Variants in BRINP3 observed in about 807,000 individuals in gnomAD.
BRINP3 encodes BMP/retinoic acid inducible neural specific 3.
In BRINP3, 19 loss-of-function variants were observed where a neutral mutation model predicts 71.0. The observed-to-expected ratio is 0.27, with a 90% CI of 0.19 to 0.39. BRINP3 has a LOEUF of 0.39. BRINP3 is among the 10% of genes least tolerant of loss of function. The pLI is 1.00. For missense variants in BRINP3, 959 were observed against 940.8 expected (o/e 1.02, Z -0.25); for synonymous variants, 380 against 337.7 (o/e 1.13, Z -1.37).
At chr1:190,211,145 T>A (rs929382743) in intron 6 of BRINP3, among the ~76,000 whole-genome samples, 5 of 152,036 alleles carry the variant, frequency 3.3e-5, no homozygotes, top group Non-Finnish European at 5.9e-5. Flanking sequence ...TTGTGGGACT[T>A]TACCTTGTGC....
intron 4 of BRINP3, among the ~76,000 whole-genome samples, chr1:190,249,247 C>T (rs1424421293): frequency 6.6e-6 from 1 of 151,780 alleles, no homozygotes; most frequent in Non-Finnish European, 1.5e-5. Context: ...GCCTATTCCC[C>T]AGCAGCCCTA....
chr1:190,269,837 G>A (rs765935274), intron 3 of BRINP3, among the ~76,000 whole-genome samples: 4 of 151,938 alleles, frequency 2.6e-5, no homozygotes, highest in African/African-American at 7.2e-5. Context: ...TACATACAGG[G>A]AACATTGGCA....
intron 7 of BRINP3, among the ~76,000 whole-genome samples, chr1:190,159,904 C>G (rs1657200168): frequency 6.6e-6 from 1 of 151,678 alleles, no homozygotes; most frequent in Non-Finnish European, 1.5e-5. Flanking sequence ...TTTTTTCCAG[C>G]AAAAGAAATC....
chr1:190,435,787 T>C (rs1177465257), intron 2 of BRINP3, among the ~76,000 whole-genome samples: 1 of 151,910 alleles, frequency 6.6e-6, no homozygotes, highest in Non-Finnish European at 1.5e-5. Flanking sequence ...AAACCTTACC[T>C]CCAGTACCAT....
At chr1:190,203,778 T>A (rs1217487006) in intron 6 of BRINP3, among the ~76,000 whole-genome samples, 11 of 88,882 alleles carry the variant, frequency 1.2e-4, no homozygotes, top group South Asian at 3.7e-4. Context: ...TATATATATA[T>A]ATATATATAT....
Position 190,462,015 on chromosome 1 carries a change from C to T in BRINP3, c.-50-7075G>A, listed in dbSNP as rs1028415299. 4.6e-5 allele frequency among the ~76,000 whole-genome samples: 7 copies of T among 152,196 alleles called. No homozygotes were observed. In the South Asian group the frequency reaches 6.2e-4, roughly 14 times the overall value. On this transcript the variant is annotated intron_variant, in intron 1 of 7. Transcript: ENST00000367462. ...TGCAACCTCCTCCTCCCAGTTCAGG[C>T]GATTCTCCTGCCTCAGCCTCCCAAG...
intron 2 of BRINP3, among the ~76,000 whole-genome samples, chr1:190,405,040 C>T (rs1321111196): frequency 1.3e-5 from 2 of 152,080 alleles, no homozygotes; most frequent in Non-Finnish European, 2.9e-5. Context: ...AGCGACTGTT[C>T]TTTAATTTAT....
chr1:190,365,334 A>G (rs1240854976), intron 2 of BRINP3, among the ~76,000 whole-genome samples: 1 of 151,924 alleles, frequency 6.6e-6, no homozygotes, highest in Non-Finnish European at 1.5e-5. Context: ...TTGTATGCAC[A>G]TTCATATAAG....
At chr1:190,132,616 A>G (rs974151605) in intron 7 of BRINP3, among the ~76,000 whole-genome samples, 3 of 152,114 alleles carry the variant, frequency 2.0e-5, no homozygotes, top group African/African-American at 7.2e-5. Flanking sequence ...GACACATAAC[A>G]TAATAAATGA....
intron 6 of BRINP3, among the ~76,000 whole-genome samples, chr1:190,221,730 C>T (rs769403161): frequency 1.3e-5 from 2 of 151,830 alleles, no homozygotes; most frequent in African/African-American, 4.8e-5. Context: ...AAAAGATACT[C>T]GATGCAACTG....
intron 2 of BRINP3, among the ~76,000 whole-genome samples, chr1:190,283,857 A>T (rs1329670752): frequency 1.3e-5 from 2 of 151,600 alleles, no homozygotes; most frequent in Non-Finnish European, 3.0e-5. Flanking sequence ...TAATTTTTTA[A>T]CTCCTGAAAA....
chr1:190,294,888 C>T (rs1317607117), intron 2 of BRINP3, among the ~76,000 whole-genome samples: 2 of 151,678 alleles, frequency 1.3e-5, no homozygotes, highest in Non-Finnish European at 2.9e-5. Flanking sequence ...GCTCACCAAC[C>T]CTCCAACCTG....
chr1:190,208,005 A>G (rs1489913749), intron 6 of BRINP3, among the ~76,000 whole-genome samples: 1 of 152,104 alleles, frequency 6.6e-6, no homozygotes, highest in Non-Finnish European at 1.5e-5. Flanking sequence ...TGTGTCACCC[A>G]AGCTGGAGTG....
intron 2 of BRINP3, among the ~76,000 whole-genome samples, chr1:190,292,850 T>C (rs1359133310): frequency 6.6e-6 from 1 of 152,144 alleles, no homozygotes; most frequent in African/African-American, 2.4e-5. Flanking sequence ...GAATTCATAG[T>C]AGTCTCTAAC....
At chr1:190,286,034 G>A (rs1210726340) in intron 2 of BRINP3, among the ~76,000 whole-genome samples, 1 of 152,120 alleles carries the variant, frequency 6.6e-6, no homozygotes, top group Non-Finnish European at 1.5e-5. Flanking sequence ...ACAATCGTTA[G>A]TTTAATGTAA....
At chr1:190,365,165 A>G (rs1669400573) in intron 2 of BRINP3, among the ~76,000 whole-genome samples, 1 of 152,096 alleles carries the variant, frequency 6.6e-6, no homozygotes, top group Admixed American at 6.6e-5. Flanking sequence ...AAAGTTCTCA[A>G]ACAAATCAGA....
chr1:190,138,024 G>A (rs1032217828), intron 7 of BRINP3, among the ~76,000 whole-genome samples: 2 of 151,646 alleles, frequency 1.3e-5, no homozygotes, highest in Admixed American at 6.6e-5. Flanking sequence ...GCATGAGCTC[G>A]GCTCACCGCA....
At chr1:190,174,870 T>A (rs1001519260) in intron 6 of BRINP3, among the ~76,000 whole-genome samples, 1 of 152,140 alleles carries the variant, frequency 6.6e-6, no homozygotes, top group East Asian at 1.9e-4. Context: ...ACTTTGACAG[T>A]TATCATGTGA....
intron 2 of BRINP3, among the ~76,000 whole-genome samples, chr1:190,379,826 C>T (rs559359470): frequency 1.7e-3 from 262 of 151,586 alleles, no homozygotes; most frequent in African/African-American, 6.0e-3. Context: ...GGTGAAACCC[C>T]ATCTCTACTA....
Sources: gnomAD v4.1 joint callset for allele counts (sites outside exome capture counted in the v4.1 genomes callset) on GRCh38, gnomAD v4.1.1 for gene constraint, MANE v1.5 for transcripts, NCBI Gene and HGNC (gene_info 2026-07-23, HGNC 2026-07-21) for gene names.